MAGI3: variants seen among roughly 807,000 people sequenced by gnomAD.
MAGI3 encodes the protein membrane associated guanylate kinase, WW and PDZ domain containing 3, also known as membrane-associated guanylate kinase, WW and PDZ domain-containing protein 3.
In MAGI3, 43 loss-of-function variants were observed where a neutral mutation model predicts 121.8. The observed-to-expected ratio is 0.35, with a 90% CI of 0.28 to 0.46. MAGI3 has a LOEUF of 0.46. Among genes scored for constraint, MAGI3 ranks in the 20% least tolerant of loss-of-function variants. The pLI, the probability that MAGI3 is intolerant of heterozygous loss-of-function variation, is 1.00. For missense variants in MAGI3, 1,547 were observed against 1,797.3 expected (o/e 0.86, Z 2.52); for synonymous variants, 553 against 639.3 (o/e 0.86, Z 2.04).
chr1:113,671,812 A>G lies in MAGI3; in HGVS notation c.2894A>G (p.Gln965Arg), dbSNP rs755698599. The change falls in exon 17 of 21, where the codon CAG (glutamine) becomes CGG (arginine). Residue 965 changes from glutamine (Q) to arginine (R), a missense_variant. Coordinates refer to ENST00000307546, the MANE Select transcript of MAGI3 (RefSeq NM_001142782.2). ...ALQHRPMGQS[Q>R]ANHIPGDRSA... ...CAGCACAGGCCCATGGGACAGTCAC[A>G]GGCCAACCACATACCTGGGGACAGG... 1.1e-5 allele frequency: 18 copies of G among 1,614,216 alleles called. No homozygotes were observed. Among genetic ancestry groups the G allele is most frequent in the Non-Finnish European group, 1.4e-5 (17 of 1,180,016 alleles).
At chr1:113,407,555 T>A (rs987444711) in intron 1 of MAGI3, among the ~76,000 whole-genome samples, 2 of 147,742 alleles carry the variant, frequency 1.4e-5, no homozygotes, top group Non-Finnish European at 3.0e-5. Flanking sequence ...AACCTATTCC[T>A]CCATCCATCA....
intron 9 of MAGI3, among the ~76,000 whole-genome samples, chr1:113,634,649 G>T (rs945807299): frequency 3.3e-5 from 5 of 151,384 alleles, no homozygotes; most frequent in Non-Finnish European, 7.4e-5. Context: ...CTTGTAGTAG[G>T]TTGAAGTCAG....
At chr1:113,522,034 G>C (rs1489408956) in intron 1 of MAGI3, among the ~76,000 whole-genome samples, 1 of 152,126 alleles carries the variant, frequency 6.6e-6, no homozygotes, top group Non-Finnish European at 1.5e-5. Context: ...TCTGGGTGTG[G>C]AGCTTTACTA....
chr1:113,508,775 A>C (rs1051211651), intron 1 of MAGI3, among the ~76,000 whole-genome samples: 6 of 152,188 alleles, frequency 3.9e-5, no homozygotes, highest in Admixed American at 3.9e-4. Flanking sequence ...TCTAAGCTTT[A>C]TTGATCTGTG....
At chr1:113,655,527 G>C (rs564598578) in intron 15 of MAGI3, among the ~76,000 whole-genome samples, 205 of 151,242 alleles carry the variant, frequency 1.4e-3, no homozygotes, top group African/African-American at 4.7e-3. Context: ...ATTTTTATTT[G>C]TATATATTGG....
At chr1:113,596,304 A>G (rs902575639) in intron 6 of MAGI3, among the ~76,000 whole-genome samples, 1 of 152,178 alleles carries the variant, frequency 6.6e-6, no homozygotes, top group Non-Finnish European at 1.5e-5. Context: ...GGAAAAATGA[A>G]CCTCAATTAT....
chr1:113,411,000 A>G (rs1033596219), intron 1 of MAGI3, among the ~76,000 whole-genome samples: 1 of 152,182 alleles, frequency 6.6e-6, no homozygotes, highest in African/African-American at 2.4e-5. Flanking sequence ...CTAGACAGCC[A>G]GATGGATCTT....
At position 113,634,697 on chromosome 1, in the gene MAGI3, G is replaced by T. The variant is rs1299968548; in HGVS notation, c.1361-7214G>T. ...CTCCAGCTTTGTTCTTTTGGCTTAGGATTGACTTGGCAATGTGGGCTTTTT... is the reference window on the plus strand; with the variant it reads ...CTCCAGCTTTGTTCTTTTGGCTTAGTATTGACTTGGCAATGTGGGCTTTTT... On this transcript the variant is annotated intron_variant, in intron 9 of 20. Transcript: ENST00000307546. 2.6e-5 allele frequency among the ~76,000 whole-genome samples: 4 copies of T among 152,298 alleles called. No homozygotes were observed. The East Asian group carries it at 7.7e-4, about 29-fold the overall frequency.
At chr1:113,562,980 A>G (rs1660299957) in intron 2 of MAGI3, among the ~76,000 whole-genome samples, 1 of 152,202 alleles carries the variant, frequency 6.6e-6, no homozygotes, top group Admixed American at 6.5e-5. Context: ...CTGTGTTGTG[A>G]ACATGATTCT....
chr1:113,584,967 C>CTTTTTTTT (rs58296325), intron 3 of MAGI3, among the ~76,000 whole-genome samples: 1 of 135,722 alleles, frequency 7.4e-6, no homozygotes. Context: ...TAGATATTTC[C>CTTTTTTTT]TTTTTTTTTT....
At chr1:113,559,952 T>C (rs1259415561) in intron 2 of MAGI3, among the ~76,000 whole-genome samples, 1 of 152,044 alleles carries the variant, frequency 6.6e-6, no homozygotes, top group East Asian at 1.9e-4. Flanking sequence ...CCACTGACAA[T>C]AGTAGGCAGA....
chr1:113,515,532 A>G (rs11810408), intron 1 of MAGI3, among the ~76,000 whole-genome samples: 12 of 152,106 alleles, frequency 7.9e-5, no homozygotes, highest in African/African-American at 2.7e-4. Flanking sequence ...AGCTTTTTAC[A>G]TGATTATCTC....
intron 1 of MAGI3, among the ~76,000 whole-genome samples, chr1:113,456,252 A>G (rs866491601): frequency 2.0e-5 from 3 of 151,112 alleles, no homozygotes; most frequent in Admixed American, 6.6e-5. Context: ...GGCGTGAGCC[A>G]CCACGCCCGG....
chr1:113,419,118 G>A (rs989625028), intron 1 of MAGI3, among the ~76,000 whole-genome samples: 4 of 151,998 alleles, frequency 2.6e-5, no homozygotes, highest in Non-Finnish European at 5.9e-5. Flanking sequence ...TACATGATAA[G>A]TAAAAGTAAA....
chr1:113,430,387 A>T (rs1653243555), intron 1 of MAGI3, among the ~76,000 whole-genome samples: 1 of 152,182 alleles, frequency 6.6e-6, no homozygotes, highest in Non-Finnish European at 1.5e-5. Flanking sequence ...GTAGTTCATG[A>T]GTGAGGCCCT....
chr1:113,516,234 G>A (rs559989763), intron 1 of MAGI3, among the ~76,000 whole-genome samples: 9 of 151,994 alleles, frequency 5.9e-5, no homozygotes, highest in South Asian at 2.1e-4. Flanking sequence ...CTCAGTAGCA[G>A]TAAGCAGACC....
intron 9 of MAGI3, among the ~76,000 whole-genome samples, chr1:113,633,297 T>G (rs1331537813): frequency 1.7e-5 from 2 of 117,746 alleles, no homozygotes; most frequent in Non-Finnish European, 3.3e-5. Flanking sequence ...AGTCTCGCTC[T>G]GTCGCCCAGG....
intron 1 of MAGI3, among the ~76,000 whole-genome samples, chr1:113,473,607 T>C (rs1208659305): frequency 6.6e-6 from 1 of 152,216 alleles, no homozygotes; most frequent in Non-Finnish European, 1.5e-5. Flanking sequence ...ATCCTTTTTT[T>C]ATGACTGCAT....
chr1:113,391,394 G>T lies in MAGI3; in HGVS notation c.316+45G>T. 1 of 1,551,704 alleles carries T rather than the reference G, an allele frequency of 6.4e-7. No individual in the cohort carries two copies. Reference sequence around the variant, plus strand: ...CTGTCTCGGGGTGTTGGGGAGAGGGGCTTCAGGGTGGGCGTCCTGGGAGCG... The same window carrying T: ...CTGTCTCGGGGTGTTGGGGAGAGGGTCTTCAGGGTGGGCGTCCTGGGAGCG... On this transcript the variant is annotated intron_variant, in intron 1 of 20. Transcript: ENST00000307546. This position sits in a 1 kb window ranked among gnomAD's most constrained non-coding sequence, Gnocchi z 4.4.
Sources: gnomAD v4.1 joint callset for allele counts (sites outside exome capture counted in the v4.1 genomes callset) on GRCh38, gnomAD v4.1.1 for gene constraint, Gnocchi (gnomAD v3.1) non-coding constraint, MANE v1.5 for transcripts, NCBI Gene and HGNC (gene_info 2026-07-23, HGNC 2026-07-21) for gene names.